Variants in PCDHGB5 observed in about 807,000 individuals in gnomAD.
PCDHGB5 encodes the protein protocadherin gamma-B5.
In PCDHGB5, 48 loss-of-function variants were observed where a neutral mutation model predicts 62.9. The observed-to-expected ratio is 0.76, with a 90% CI of 0.61 to 0.97. The LOEUF is 0.97. Among genes scored for constraint, PCDHGB5 ranks in the 50% least tolerant of loss-of-function variants. The probability of loss-of-function intolerance (pLI) is 0.00; values close to 1 mark genes in which losing one functional copy is unlikely to be tolerated. For missense variants in PCDHGB5, 1,118 were observed against 1,198.6 expected (o/e 0.93, Z 0.99); for synonymous variants, 474 against 511.2 (o/e 0.93, Z 0.98).
intron 2 of PCDHGB5, among the ~76,000 whole-genome samples, chr5:141,503,598 CAA>C (rs765754054): frequency 2.7e-4 from 18 of 65,718 alleles, no homozygotes; most frequent in Admixed American, 6.9e-4. Flanking sequence ...GACTCCAGCT[CAA>C]AAAAAAAAAA....
Position 141,505,475 on chromosome 5 carries a change from G to A in PCDHGB5, c.2539G>A (p.Ala847Thr), listed in dbSNP as rs769108315. The A allele has an allele frequency of 2.2e-5, 35 of 1,614,098 alleles. No homozygotes were observed. Among genetic ancestry groups the A allele is most frequent in the South Asian group, 5.5e-5 (5 of 91,090 alleles). ...GCTGCAAGCCATGATCTTGGCGTCC[G>A]CCAGTGGTAAGTGGTGTCAGTGTGT... ...EMLQAMILAS[A>T]SEAADGSSTL... The change falls in exon 3 of 4, where the codon GCC becomes ACC. Residue 847 changes from alanine to threonine, a missense_variant. Physicochemically the swap from Ala to Thr is moderately conservative, Grantham distance 58. Transcript: ENST00000617380.
chr5:141,427,956 C>T, intron 1 of PCDHGB5: 1 of 1,587,304 alleles, frequency 6.3e-7, no homozygotes, highest in African/African-American at 1.3e-5. Context: ...TGACAATGTG[C>T]CGCGGGTGCT....
intron 1 of PCDHGB5, among the ~76,000 whole-genome samples, chr5:141,469,120 T>C (rs188113354): frequency 6.6e-6 from 1 of 151,574 alleles, no homozygotes; most frequent in East Asian, 1.9e-4. Context: ...CTAAAAAAAT[T>C]TAAAAATTAG....
chr5:141,472,281 C>A (rs944776124), intron 1 of PCDHGB5, among the ~76,000 whole-genome samples: 2 of 152,202 alleles, frequency 1.3e-5, no homozygotes, highest in Non-Finnish European at 2.9e-5. Context: ...GTGGCTCACA[C>A]CTGTAATCCC....
At chr5:141,498,137 G>T (rs1319960274) in intron 2 of PCDHGB5, among the ~76,000 whole-genome samples, 1 of 152,204 alleles carries the variant, frequency 6.6e-6, no homozygotes, top group Non-Finnish European at 1.5e-5. Context: ...GGAGCAGGAG[G>T]ACATCCTGGA....
chr5:141,431,858 G>T lies in PCDHGB5; in HGVS notation c.2397+31334G>T, dbSNP rs1421209596. On this transcript the variant is annotated intron_variant, in intron 1 of 3. Coordinates refer to ENST00000617380, the MANE Select transcript of PCDHGB5 (RefSeq NM_018925.3). This position sits in a 1 kb window ranked among gnomAD's most constrained non-coding sequence, Gnocchi z 4.8. ...AAACTCTCCCAGAGGGACATTAATTGCCCTTTTAAATGTAAATGACCAAGA... is the reference window on the plus strand; with the variant it reads ...AAACTCTCCCAGAGGGACATTAATTTCCCTTTTAAATGTAAATGACCAAGA... 6.8e-6 allele frequency: 11 copies of T among 1,614,080 alleles called. No homozygotes were observed. The highest frequency in any genetic ancestry group is 8.5e-6 in the Non-Finnish European group (10 of 1,180,028).
Position 141,485,181 on chromosome 5 carries a change from G to C in PCDHGB5, c.2398-9626G>C. 1 of 1,612,942 alleles carries C rather than the reference G, an allele frequency of 6.2e-7. No individual in the cohort carries two copies. Among genetic ancestry groups the C allele is most frequent in the East Asian group, 2.2e-5 (1 of 44,868 alleles). On this transcript the variant is annotated intron_variant, in intron 1 of 3. Transcript: ENST00000617380. This position sits in a 1 kb window ranked among gnomAD's most constrained non-coding sequence, Gnocchi z 5.7. ...AATTAGCGGGCGGCAGCAATGCTCC[G>C]CAAGGTGAGAAGCTGGACAGAAATC...
chr5:141,411,299 G>C (rs1020908131), intron 1 of PCDHGB5: 1 of 152,284 alleles, frequency 6.6e-6, no homozygotes, highest in Non-Finnish European at 1.5e-5. Context: ...GACAGGCCCA[G>C]TGGCTCACAC....
chr5:141,417,751 C>T, intron 1 of PCDHGB5: 1 of 1,427,514 alleles, frequency 7.0e-7, no homozygotes, highest in Non-Finnish European at 9.2e-7. Flanking sequence ...AGATTGCCAG[C>T]TCCGAGACCC....
In PCDHGB5 at chr5:141,476,868, C is replaced by G. The variant is rs1213404395; in HGVS notation, c.2398-17939C>G. On this transcript the variant is annotated intron_variant, in intron 1 of 3. Transcript: ENST00000617380. This position sits in a 1 kb window ranked among gnomAD's most constrained non-coding sequence, Gnocchi z 7.6. Reference sequence around the variant, plus strand: ...GTCTTCAACCAGTCCTTGTACCGGGCGCGCGTCCTGGAGGATGCACCCTCC... The same window carrying G: ...GTCTTCAACCAGTCCTTGTACCGGGGGCGCGTCCTGGAGGATGCACCCTCC... 2.5e-6 allele frequency: 4 copies of G among 1,613,874 alleles called. No homozygotes were observed. Among genetic ancestry groups the G allele is most frequent in the Non-Finnish European group, 3.4e-6 (4 of 1,180,050 alleles).
At chr5:141,495,240 C>T (rs2099759761) in intron 2 of PCDHGB5, among the ~76,000 whole-genome samples, 1 of 152,182 alleles carries the variant, frequency 6.6e-6, no homozygotes, top group South Asian at 2.1e-4. Context: ...TCCATTATGA[C>T]CTGGGGCTCA....
intron 1 of PCDHGB5, chr5:141,421,290 G>C (rs2096561632): frequency 6.2e-7 from 1 of 1,613,130 alleles, no homozygotes; most frequent in African/African-American, 1.3e-5. Flanking sequence ...GCATTTTCCT[G>C]GGGACGCTGC....
intron 1 of PCDHGB5, among the ~76,000 whole-genome samples, chr5:141,467,017 C>T (rs1036255706): frequency 4.0e-5 from 6 of 151,156 alleles, no homozygotes; most frequent in African/African-American, 1.5e-4. Context: ...AATTTTTTTC[C>T]CTTTGTTTTT....
In PCDHGB5 at chr5:141,398,437, C is replaced by G. The variant is rs2093656645; in HGVS notation, c.310C>G (p.Leu104Val). Residue 104 changes from leucine to valine, a missense_variant, in exon 1 of 4, where the codon CTG becomes GTG. This residue lies in a region of PCDHGB5 where 84 missense variants were observed against 169.5 expected (regional missense o/e 0.50). Coordinates refer to ENST00000617380, the MANE Select transcript of PCDHGB5 (RefSeq NM_018925.3). The stretch of plus-strand genomic sequence containing the variant: ...ATGCGGGAAGAAGCCAGCTTGTGCT[C>G]TGGAATTTGAGGCTGTTGCTGAAAA... Reference protein sequence around the residue: ...EICGKKPACALEFEAVAENPL... With the variant: ...EICGKKPACAVEFEAVAENPL... 1.3e-5 allele frequency: 20 copies of G among 1,556,582 alleles called. No individual in the cohort carries two copies. Among genetic ancestry groups the G allele is most frequent in the Non-Finnish European group, 1.8e-5 (20 of 1,131,398 alleles).
chr5:141,449,569 A>G (rs1340921687), intron 1 of PCDHGB5, among the ~76,000 whole-genome samples: 2 of 148,390 alleles, frequency 1.3e-5, no homozygotes, highest in East Asian at 3.9e-4. Flanking sequence ...AGCCTGGGCG[A>G]CAGAGCAAGA....
intron 1 of PCDHGB5, among the ~76,000 whole-genome samples, chr5:141,426,030 G>A (rs966664613): frequency 1.3e-5 from 2 of 152,168 alleles, no homozygotes; most frequent in Admixed American, 6.5e-5. Context: ...AATAGACTCA[G>A]AGCCCTGCTG....
rs1288831801 is a variant in PCDHGB5, at chr5:141,477,793, T to C, written c.2398-17014T>C. The C allele has an allele frequency of 6.2e-7, 1 of 1,614,050 alleles. No homozygotes were observed. The highest frequency in any genetic ancestry group is 2.2e-5 in the East Asian group (1 of 44,874). ...TCAGCGTGAACATATTTGTCACTGATCGCAATGACAATGCCCCCCAGGTCC... is the reference window on the plus strand; with the variant it reads ...TCAGCGTGAACATATTTGTCACTGACCGCAATGACAATGCCCCCCAGGTCC... On this transcript the variant is annotated intron_variant, in intron 1 of 3. Coordinates refer to ENST00000617380, the MANE Select transcript of PCDHGB5 (RefSeq NM_018925.3). This position sits in a 1 kb window ranked among gnomAD's most constrained non-coding sequence, Gnocchi z 4.9.
intron 1 of PCDHGB5, chr5:141,433,252 G>T (rs1398141147): frequency 1.4e-6 from 2 of 1,425,340 alleles, no homozygotes; most frequent in Non-Finnish European, 1.9e-6. Flanking sequence ...GGAATGCAGC[G>T]GTACGATCAT....
Position 141,459,075 on chromosome 5 carries a change from G to C in PCDHGB5, c.2398-35732G>C, listed in dbSNP as rs562572838. ...GTATAATTTATATAACATAAAATTT[G>C]CCTTTTAAAATTATACAGTGCAATG... On this transcript the variant is annotated intron_variant, in intron 1 of 3. Transcript: ENST00000617380. 4.6e-5 allele frequency among the ~76,000 whole-genome samples: 7 copies of C among 152,252 alleles called. No individual in the cohort carries two copies. The East Asian group carries it at 1.4e-3, about 29-fold the overall frequency.
Sources: gnomAD v4.1 joint callset for allele counts (sites outside exome capture counted in the v4.1 genomes callset) on GRCh38, gnomAD v4.1.1 for gene constraint, gnomAD v4.1.1 regional missense constraint, Gnocchi (gnomAD v3.1) non-coding constraint, MANE v1.5 for transcripts, NCBI Gene and HGNC (gene_info 2026-07-23, HGNC 2026-07-21) for gene names.